GRIN2B: variants seen among roughly 807,000 people sequenced by gnomAD.
The protein encoded by GRIN2B is glutamate receptor ionotropic, NMDA 2B.
GRIN2B carries 5 observed loss-of-function variants against 114.5 expected under a neutral mutation model. The observed-to-expected ratio is 0.04, with a 90% confidence interval of 0.02 to 0.09. The LOEUF (loss-of-function observed/expected upper bound fraction) is 0.09. Among genes scored for constraint, GRIN2B ranks in the 10% least tolerant of loss-of-function variants. The pLI, the probability that GRIN2B is intolerant of heterozygous loss-of-function variation, is 1.00. For missense variants in GRIN2B, 1,108 were observed against 1,943.5 expected (o/e 0.57, Z 8.08); for synonymous variants, 787 against 745.1 (o/e 1.06, Z -0.92).
chr12:13,816,950 T>G (rs1261815872), intron 3 of GRIN2B, among the ~76,000 whole-genome samples: 1 of 152,160 alleles, frequency 6.6e-6, no homozygotes, highest in Non-Finnish European at 1.5e-5. Flanking sequence ...GAGATGGGCC[T>G]ACTAATCCCA....
At chr12:13,581,123 T>A (rs997517051) in intron 10 of GRIN2B, among the ~76,000 whole-genome samples, 4 of 152,226 alleles carry the variant, frequency 2.6e-5, no homozygotes, top group Non-Finnish European at 5.9e-5. Flanking sequence ...TAAACATTCA[T>A]GTACAGGTTT....
chr12:13,692,723 G>A (rs187264903), intron 4 of GRIN2B, among the ~76,000 whole-genome samples: 21 of 138,238 alleles, frequency 1.5e-4, no homozygotes, highest in African/African-American at 5.7e-4. Flanking sequence ...GAATAGTTGG[G>A]TAGTAATCAT....
At position 13,865,795 on chromosome 12, in the gene GRIN2B, T is replaced by A. The variant is rs1865817193; in HGVS notation, c.411+3A>T. ...GGCCCTTCTCCCTGCAGCCCCTTTTTACCTTATCTGCCATTATCATAGAGG... is the reference window on the plus strand; with the variant it reads ...GGCCCTTCTCCCTGCAGCCCCTTTTAACCTTATCTGCCATTATCATAGAGG... On this transcript the variant is annotated splice_donor_region_variant and intron_variant, in intron 3 of 13. Coordinates refer to ENST00000609686, the MANE Select transcript of GRIN2B (RefSeq NM_000834.5). The A allele has an allele frequency of 6.2e-7, 1 of 1,611,754 alleles. No homozygotes were observed. The highest frequency in any genetic ancestry group is 1.3e-5 in the African/African-American group (1 of 74,880).
chr12:13,918,917 C>A (rs1309186530), intron 2 of GRIN2B, among the ~76,000 whole-genome samples: 1 of 152,130 alleles, frequency 6.6e-6, no homozygotes, highest in African/African-American at 2.4e-5. Context: ...ATCCTTCCAC[C>A]CACTCAAAAC....
In GRIN2B at chr12:13,611,863, A is replaced by G; in HGVS notation, c.1655-13T>C. 1.9e-6 allele frequency: 3 copies of G among 1,613,120 alleles called. No homozygotes were observed. The highest frequency in any genetic ancestry group is 1.7e-6 in the Non-Finnish European group (2 of 1,179,002). On this transcript the variant is annotated splice_polypyrimidine_tract_variant and intron_variant, in intron 8 of 13. Transcript: ENST00000609686. ...GCGCTGAATGGCTCTGAGGAAGGGA[A>G]AAAAGCAGTGCTCAGGGTTAGAACA...
In GRIN2B at chr12:13,746,053, A is replaced by T. The variant is rs1257730456; in HGVS notation, c.1010+7264T>A. ...AAAAAATTTTTTAAATATAATTTAT[A>T]CAGTATATCAGATATGTGCTATGTC... On this transcript the variant is annotated intron_variant, in intron 4 of 13. Transcript: ENST00000609686. Among the ~76,000 whole-genome samples the T allele has an allele frequency of 1.5e-3, 226 of 152,030 alleles. 2 individuals carry two copies. Among genetic ancestry groups the T allele is most frequent in the African/African-American group, 5.3e-3 (219 of 41,540 alleles).
At chr12:13,600,071 C>A (rs1298524665) in intron 10 of GRIN2B, among the ~76,000 whole-genome samples, 1 of 152,182 alleles carries the variant, frequency 6.6e-6, no homozygotes, top group Non-Finnish European at 1.5e-5. Flanking sequence ...TGCTAGTTTG[C>A]ATAGTTGCAT....
chr12:13,851,210 A>G (rs964943311), intron 3 of GRIN2B, among the ~76,000 whole-genome samples: 6 of 152,174 alleles, frequency 3.9e-5, no homozygotes, highest in Admixed American at 3.3e-4. Flanking sequence ...GAGACAAGAG[A>G]GTTGTTGAAC....
chr12:13,954,894 A>G (rs1867562037), intron 2 of GRIN2B, among the ~76,000 whole-genome samples: 1 of 151,606 alleles, frequency 6.6e-6, no homozygotes, highest in South Asian at 2.1e-4. Context: ...TTGTTGCAAA[A>G]GGGAAGAAAA....
chr12:13,664,504 T>C (rs144831787), intron 5 of GRIN2B, among the ~76,000 whole-genome samples: 126 of 152,236 alleles, frequency 8.3e-4, no homozygotes, highest in African/African-American at 2.6e-3. Flanking sequence ...TTCCCAAAAG[T>C]AGAAGATAAC....
At chr12:13,605,551 T>TCTCTCTCTCTCTCTCTCACACACACACA in intron 10 of GRIN2B, among the ~76,000 whole-genome samples, 1 of 30,448 alleles carries the variant, frequency 3.3e-5, no homozygotes, top group Non-Finnish European at 7.3e-5. Flanking sequence ...TCTCTCTCTC[T>TCTCTCTCTCTCTCTCTCACACACACACA]GACACACACA....
chr12:13,880,066 C>A (rs948559103), intron 2 of GRIN2B, among the ~76,000 whole-genome samples: 11 of 152,144 alleles, frequency 7.2e-5, no homozygotes, highest in Admixed American at 2.0e-4. Context: ...CACCCCTGCA[C>A]AGAAAAGCAC....
chr12:13,951,487 A>G (rs988258102), intron 2 of GRIN2B, among the ~76,000 whole-genome samples: 1 of 152,218 alleles, frequency 6.6e-6, no homozygotes, highest in Admixed American at 6.5e-5. Flanking sequence ...TTGTCTTGTT[A>G]ACAGGATATT....
At chr12:13,894,015 G>A (rs6488623) in intron 2 of GRIN2B, among the ~76,000 whole-genome samples, 46,254 of 151,806 alleles carry the variant, frequency 0.3, 7,444 homozygotes, top group African/African-American at 0.4. Context: ...AAAACACAGC[G>A]GTGGAGTGTA....
At chr12:13,831,130 C>T (rs1307114722) in intron 3 of GRIN2B, among the ~76,000 whole-genome samples, 1 of 152,202 alleles carries the variant, frequency 6.6e-6, no homozygotes, top group Non-Finnish European at 1.5e-5. Context: ...GGTCTCTGGA[C>T]ACACCAGCTC....
At position 13,614,318 on chromosome 12, in the gene GRIN2B, A is replaced by G. The variant is rs1043221965; in HGVS notation, c.1654+796T>C. The stretch of plus-strand genomic sequence containing the variant: ...AAAAATGTTGATGTGCCTTAGAGAG[A>G]CGGTGACTCGTCCAGGGGCTTACAG... On this transcript the variant is annotated intron_variant, in intron 8 of 13. Coordinates refer to ENST00000609686, the MANE Select transcript of GRIN2B (RefSeq NM_000834.5). Among the ~76,000 whole-genome samples the G allele has an allele frequency of 1.1e-4, 16 of 152,170 alleles. No homozygotes were observed. In the East Asian group the frequency reaches 2.5e-3, roughly 24 times the overall value.
Position 13,815,368 on chromosome 12 carries a change from CA to C in GRIN2B, c.411+50429del, listed in dbSNP as rs367545470. Among the ~76,000 whole-genome samples, 92 of 148,810 alleles carry C rather than the reference CA, an allele frequency of 6.2e-4. 1 individual carries two copies. In the East Asian group the frequency reaches 0.013, roughly 21 times the overall value. On this transcript the variant is annotated intron_variant, in intron 3 of 13. Transcript: ENST00000609686. ...AATTCAGTAAAGGCATCATTCAGAACAGACAAGAAAAAAAAAAAAGACATAT... is the reference window on the plus strand; with the variant it reads ...AATTCAGTAAAGGCATCATTCAGAACGACAAGAAAAAAAAAAAAGACATAT...
chr12:13,829,595 G>T (rs1218226162), intron 3 of GRIN2B, among the ~76,000 whole-genome samples: 10 of 152,168 alleles, frequency 6.6e-5, no homozygotes, highest in African/African-American at 2.4e-4. Flanking sequence ...GATAATGCAG[G>T]TTAACTAAGT....
intron 4 of GRIN2B, among the ~76,000 whole-genome samples, chr12:13,677,834 G>A (rs1950090313): frequency 1.3e-5 from 2 of 151,958 alleles, no homozygotes; most frequent in South Asian, 4.2e-4. Context: ...AGTTTCTCAA[G>A]TATTTGAAGA....
Sources: allele counts gnomAD v4.1 joint callset (sites outside exome capture counted in the v4.1 genomes callset), GRCh38; gene constraint gnomAD v4.1.1; transcripts MANE v1.5; gene names NCBI Gene and HGNC (gene_info 2026-07-23, HGNC 2026-07-21).